Variants in PRKDC observed in about 807,000 individuals in gnomAD.
PRKDC encodes protein kinase, DNA-activated, catalytic subunit, also known as DNA-dependent protein kinase catalytic subunit.
A neutral mutation model predicts 486.9 loss-of-function variants in PRKDC; 82 were observed. That is an observed-to-expected ratio of 0.17 (90% confidence interval 0.14 to 0.20). The LOEUF (loss-of-function observed/expected upper bound fraction) is 0.20. Among genes scored for constraint, PRKDC ranks in the 10% least tolerant of loss-of-function variants. The pLI, the probability that PRKDC is intolerant of heterozygous loss-of-function variation, is 1.00. For missense variants in PRKDC, 4,504 were observed against 5,038.2 expected, an observed-to-expected ratio of 0.89 and a Z score of 3.21; for synonymous variants, 1,895 against 1,837.0, an observed-to-expected ratio of 1.03 and a Z score of -0.81.
chr8:47,944,333 G>A (rs2090494139), intron 7 of PRKDC, among the ~76,000 whole-genome samples: 1 of 152,010 alleles, frequency 6.6e-6, no homozygotes, highest in Non-Finnish European at 1.5e-5. Flanking sequence ...ATCTCTCAGA[G>A]CCTCAATTTT....
chr8:47,779,566 C>G (rs1278050085), intron 80 of PRKDC, among the ~76,000 whole-genome samples: 1 of 152,174 alleles, frequency 6.6e-6, no homozygotes, highest in Non-Finnish European at 1.5e-5. Flanking sequence ...CTGTTTTTAT[C>G]TTTATTTAGA....
chr8:47,794,322 A>T lies in PRKDC; in HGVS notation c.10638T>A (p.Ser3546=). ...CAAACTCCTTATTCTTATGACCAGT[A>T]GAAGTATCCTTGAAGGAATAGCTTT... ...SSESYSFKDT[S]TGHKNKEFVA... Residue 3546 remains serine, a synonymous_variant, in exon 74 of 86, where the codon TCT becomes TCA. Coordinates refer to ENST00000314191, the MANE Select transcript of PRKDC (RefSeq NM_006904.7). 2 of 1,613,338 alleles carry T rather than the reference A, an allele frequency of 1.2e-6. No homozygotes were observed. The highest frequency in any genetic ancestry group is 1.7e-6 in the Non-Finnish European group (2 of 1,179,536).
At chr8:47,907,775 A>G (rs1261199953) in intron 25 of PRKDC, among the ~76,000 whole-genome samples, 1 of 152,040 alleles carries the variant, frequency 6.6e-6, no homozygotes, top group Non-Finnish European at 1.5e-5. Flanking sequence ...CCCCCGGCCA[A>G]TTTATATACA....
At chr8:47,875,834 G>A (rs2089080078) in intron 40 of PRKDC, among the ~76,000 whole-genome samples, 1 of 152,150 alleles carries the variant, frequency 6.6e-6, no homozygotes, top group Non-Finnish European at 1.5e-5. Flanking sequence ...TATATAGTCT[G>A]TCCTAAAGAA....
intron 43 of PRKDC, 92 bp from the exon 44 acceptor site, chr8:47,862,219 T>A: frequency 7.3e-7 from 1 of 1,365,540 alleles, no homozygotes; most frequent in South Asian, 1.3e-5. Flanking sequence ...TAATAGCTCA[T>A]GGAAAAGCAC....
intron 30 of PRKDC, among the ~76,000 whole-genome samples, chr8:47,893,834 G>A (rs1032190039): frequency 2.0e-5 from 3 of 152,086 alleles, no homozygotes; most frequent in African/African-American, 4.8e-5. Flanking sequence ...GTTTTTTCCA[G>A]GAAATTTTCT....
At chr8:47,857,097 G>A (rs770793195) in intron 49 of PRKDC, 59 bp downstream of exon 49, 145 of 1,535,586 alleles carry the variant, frequency 9.4e-5, no homozygotes, top group Non-Finnish European at 1.2e-4. Context: ...TGTGTCATAG[G>A]CTCTATAGGC....
At chr8:47,881,388 C>A (rs1589762523) in intron 38 of PRKDC, 28 bp downstream of exon 38, 2 of 1,257,840 alleles carry the variant, frequency 1.6e-6, no homozygotes, top group Non-Finnish European at 2.3e-6. Context: ...AGAATGTAAT[C>A]CAAAAAAATA....
chr8:47,885,937 T>G lies in PRKDC; in HGVS notation c.4776+7A>C. ...AAAACAGTTTATTTAAAGGGAAACT[T>G]TGTTACCATTTTGGTATTATCCACT... On this transcript the variant is annotated splice_region_variant and intron_variant, in intron 36 of 85. Transcript: ENST00000314191. The G allele has an allele frequency of 6.2e-7, 1 of 1,608,428 alleles. No homozygotes were observed. The highest frequency in any genetic ancestry group is 1.1e-5 in the South Asian group (1 of 90,878).
At chr8:47,899,248 A>T (rs139088903) in intron 28 of PRKDC, among the ~76,000 whole-genome samples, 1 of 152,272 alleles carries the variant, frequency 6.6e-6, no homozygotes, top group East Asian at 1.9e-4. Flanking sequence ...AGATAAACAA[A>T]GCAAATTTAA....
At chr8:47,949,324 C>A (rs2090589270) in intron 7 of PRKDC, among the ~76,000 whole-genome samples, 1 of 152,308 alleles carries the variant, frequency 6.6e-6, no homozygotes, top group Non-Finnish European at 1.5e-5. Flanking sequence ...TTCTCCTAAC[C>A]ACGCAAGTCA....
chr8:47,858,486 C>A, intron 48 of PRKDC, 30 bp downstream of exon 48: 1 of 1,428,486 alleles, frequency 7.0e-7, no homozygotes, highest in South Asian at 1.3e-5. Flanking sequence ...AGAATCTATT[C>A]AAAGAATAAA....
intron 58 of PRKDC, among the ~76,000 whole-genome samples, chr8:47,835,963 T>C (rs2088012266): frequency 6.6e-6 from 1 of 152,142 alleles, no homozygotes; most frequent in African/African-American, 2.4e-5. Flanking sequence ...AGATGGAGTC[T>C]TTCCATGTTG....
chr8:47,957,285 T>C (rs781713311), intron 2 of PRKDC, 22 bp from the exon 3 acceptor site: 22 of 1,581,966 alleles, frequency 1.4e-5, no homozygotes, highest in Non-Finnish European at 1.6e-5. Flanking sequence ...GAGATACATA[T>C]TGTAAATATG....
chr8:47,947,158 A>G lies in PRKDC; in HGVS notation c.722-3129T>C, dbSNP rs768069157. Among the ~76,000 whole-genome samples, 79 of 152,276 alleles carry G rather than the reference A, an allele frequency of 5.2e-4. 1 individual carries two copies. Among genetic ancestry groups the G allele is most frequent in the Middle Eastern group, 3.4e-3 (1 of 294 alleles). ...GCACAGGGCTAGAGACTGGCCGAGC[A>G]TGGGGCCAGGTGCTGAGCAGCTGCT... On this transcript the variant is annotated intron_variant, in intron 7 of 85. Transcript: ENST00000314191.
rs186498043 is a variant in PRKDC at position 47,813,706 on chromosome 8, C to T, written c.9557+3744G>A. The stretch of plus-strand genomic sequence containing the variant: ...TTCTCCTGCCTCAGCCTCCGAGTAG[C>T]TAGGATTACAGGCATGTGCCACCAT... On this transcript the variant is annotated intron_variant, in intron 68 of 85. Coordinates refer to ENST00000314191, the MANE Select transcript of PRKDC (RefSeq NM_006904.7). Among the ~76,000 whole-genome samples the T allele has an allele frequency of 2.0e-4, 30 of 152,182 alleles. No homozygotes were observed. The East Asian group carries it at 5.8e-3, about 29-fold the overall frequency.
intron 55 of PRKDC, among the ~76,000 whole-genome samples, chr8:47,839,545 C>T (rs2088097275): frequency 6.6e-6 from 1 of 152,174 alleles, no homozygotes; most frequent in Non-Finnish European, 1.5e-5. Context: ...AGTTCATCTC[C>T]TTAGTCTTTG....
chr8:47,927,630 A>G (rs2090175520), intron 20 of PRKDC, 141 bp downstream of exon 20: 1 of 1,136,938 alleles, frequency 8.8e-7, no homozygotes, highest in Admixed American at 3.4e-5. Context: ...AAAGCCAGTA[A>G]GTGGCAGAAG....
At chr8:47,830,810 C>A in intron 60 of PRKDC, 74 bp from the exon 61 acceptor site, 1 of 1,580,736 alleles carries the variant, frequency 6.3e-7, no homozygotes, top group Admixed American at 1.7e-5. Context: ...AGCTATGAGG[C>A]TGCCAGGATC....
Sources: gnomAD v4.1 joint callset for allele counts (sites outside exome capture counted in the v4.1 genomes callset) on GRCh38, gnomAD v4.1.1 for gene constraint, MANE v1.5 for transcripts, NCBI Gene and HGNC (gene_info 2026-07-23, HGNC 2026-07-21) for gene names.